Variants in SCAPER observed in about 807,000 individuals in gnomAD.
The protein encoded by SCAPER is S phase cyclin A-associated protein in the endoplasmic reticulum.
SCAPER carries 98 observed loss-of-function variants against 182.2 expected under a neutral mutation model. The observed-to-expected ratio is 0.54, with a 90% CI of 0.46 to 0.64. The LOEUF (loss-of-function observed/expected upper bound fraction) is 0.64. SCAPER is among the 30% of genes least tolerant of loss of function. The pLI, the probability that SCAPER is intolerant of heterozygous loss-of-function variation, is 0.00. For synonymous variants in SCAPER, 605 were observed against 564.6 expected, an observed-to-expected ratio of 1.07 and a Z score of -1.01; for missense variants, 1,432 against 1,690.0, an observed-to-expected ratio of 0.85 and a Z score of 2.68.
intron 21 of SCAPER, among the ~76,000 whole-genome samples, chr15:76,640,665 A>C (rs2054026989): frequency 6.6e-6 from 1 of 152,224 alleles, no homozygotes; most frequent in Non-Finnish European, 1.5e-5. Context: ...AATCGTGATC[A>C]GTGCCAAGCT....
chr15:76,786,120 A>C (rs999892996), intron 8 of SCAPER, among the ~76,000 whole-genome samples: 1 of 152,062 alleles, frequency 6.6e-6, no homozygotes, highest in South Asian at 2.1e-4. Context: ...CAAGGTGAGG[A>C]GTTTGAGACT....
chr15:76,792,890 A>G (rs551266370), intron 8 of SCAPER, among the ~76,000 whole-genome samples: 199 of 152,334 alleles, frequency 1.3e-3, no homozygotes, highest in Non-Finnish European at 2.5e-3. Context: ...TTAAGTAGCT[A>G]AGTTTTGGGC....
At chr15:76,406,454 G>A (rs1371164824) in intron 26 of SCAPER, among the ~76,000 whole-genome samples, 1 of 151,858 alleles carries the variant, frequency 6.6e-6, no homozygotes, top group Non-Finnish European at 1.5e-5. Flanking sequence ...CTCCAGCCTG[G>A]GCAACAAAGT....
At chr15:76,731,306 C>T (rs2060907958) in intron 16 of SCAPER, among the ~76,000 whole-genome samples, 1 of 152,108 alleles carries the variant, frequency 6.6e-6, no homozygotes, top group Non-Finnish European at 1.5e-5. Flanking sequence ...TCTGTAGCTC[C>T]TCTTTATGCC....
At chr15:76,617,310 A>C (rs976460727) in intron 22 of SCAPER, among the ~76,000 whole-genome samples, 3 of 152,174 alleles carry the variant, frequency 2.0e-5, no homozygotes, top group African/African-American at 7.2e-5. Context: ...TTTAACTGCT[A>C]GAGTAAGGAG....
chr15:76,603,141 C>T (rs1204018254), intron 22 of SCAPER, among the ~76,000 whole-genome samples: 2 of 118,668 alleles, frequency 1.7e-5, no homozygotes, highest in East Asian at 2.2e-4. Context: ...CCCATTAACT[C>T]GTCATTTAGC....
At chr15:76,500,272 A>G (rs1449692922) in intron 24 of SCAPER, among the ~76,000 whole-genome samples, 1 of 152,238 alleles carries the variant, frequency 6.6e-6, no homozygotes, top group African/African-American at 2.4e-5. Flanking sequence ...TGAAGAGATA[A>G]GCAAGGCTGA....
chr15:76,753,085 A>G (rs2062193476), intron 15 of SCAPER, among the ~76,000 whole-genome samples: 1 of 151,796 alleles, frequency 6.6e-6, no homozygotes, highest in Non-Finnish European at 1.5e-5. Context: ...AACCTATTGT[A>G]AGATGCTATA....
Position 76,770,389 on chromosome 15 carries a change from T to C in SCAPER, c.1248+1353A>G, listed in dbSNP as rs562660547. On this transcript the variant is annotated intron_variant, in intron 10 of 31. Transcript: ENST00000563290. ...AAAGAAAGAAAAGAAAAAACAGTTG[T>C]CTCATCACTACAGGAATTCTCTGTA... is the stretch of plus-strand genomic sequence containing the variant. 4.6e-5 allele frequency among the ~76,000 whole-genome samples: 7 copies of C among 151,980 alleles called. No individual in the cohort carries two copies. The South Asian group carries it at 1.5e-3, about 32-fold the overall frequency.
chr15:76,361,944 T>C (rs1429515971), intron 29 of SCAPER, among the ~76,000 whole-genome samples: 2 of 152,164 alleles, frequency 1.3e-5, no homozygotes, highest in Non-Finnish European at 2.9e-5. Flanking sequence ...ATCATAATAT[T>C]GTAAAAGGGA....
intron 23 of SCAPER, among the ~76,000 whole-genome samples, chr15:76,526,720 A>G (rs957209263): frequency 1.3e-5 from 2 of 151,880 alleles, no homozygotes; most frequent in African/African-American, 4.8e-5. Context: ...TTTCAAAGGT[A>G]TATTTTTACT....
intron 21 of SCAPER, among the ~76,000 whole-genome samples, chr15:76,629,822 C>T (rs1567645772): frequency 1.3e-5 from 2 of 152,132 alleles, no homozygotes; most frequent in Non-Finnish European, 2.9e-5. Context: ...GGAATAGTTT[C>T]AATAGGAATA....
At chr15:76,525,245 T>C (rs766300138) in intron 23 of SCAPER, among the ~76,000 whole-genome samples, 2 of 152,148 alleles carry the variant, frequency 1.3e-5, no homozygotes, top group Non-Finnish European at 2.9e-5. Context: ...AAATCTTCAC[T>C]CTCCTAAACT....
chr15:76,850,729 G>A (rs1232240044), intron 4 of SCAPER, among the ~76,000 whole-genome samples: 3 of 151,872 alleles, frequency 2.0e-5, no homozygotes, highest in Non-Finnish European at 4.4e-5. Context: ...GCATGATGGT[G>A]GGTACCTGTA....
At chr15:76,744,002 G>A (rs2151130683) in intron 15 of SCAPER, among the ~76,000 whole-genome samples, 1 of 152,226 alleles carries the variant, frequency 6.6e-6, no homozygotes, top group African/African-American at 2.4e-5. Flanking sequence ...ACAACCATCT[G>A]ATCTTCAACA....
At chr15:76,649,189 G>A (rs1232275630) in intron 21 of SCAPER, among the ~76,000 whole-genome samples, 1 of 152,122 alleles carries the variant, frequency 6.6e-6, no homozygotes, top group Non-Finnish European at 1.5e-5. Context: ...CATGTCCTTA[G>A]TTTTCTTGGC....
intron 28 of SCAPER, chr15:76,380,454 A>G (rs2042874649): frequency 6.6e-6 from 1 of 152,140 alleles, no homozygotes; most frequent in South Asian, 2.1e-4. Flanking sequence ...ACAGGAAGAC[A>G]TCAATTAAAG....
chr15:76,640,074 T>C (rs2053977480), intron 21 of SCAPER, among the ~76,000 whole-genome samples: 1 of 152,218 alleles, frequency 6.6e-6, no homozygotes, highest in African/African-American at 2.4e-5. Flanking sequence ...ATTTTTATAT[T>C]AATTGCAATA....
chr15:76,625,454 T>C (rs1314990116), intron 21 of SCAPER, among the ~76,000 whole-genome samples: 2 of 152,172 alleles, frequency 1.3e-5, no homozygotes, highest in African/African-American at 2.4e-5. Flanking sequence ...GCCTCACCGC[T>C]AGGGGCAGTA....
Sources: gnomAD v4.1 joint callset for allele counts (sites outside exome capture counted in the v4.1 genomes callset) on GRCh38, gnomAD v4.1.1 for gene constraint, MANE v1.5 for transcripts, NCBI Gene and HGNC (gene_info 2026-07-23, HGNC 2026-07-21) for gene names.